INSC: variants seen among roughly 807,000 people sequenced by gnomAD.
INSC encodes INSC spindle orientation adaptor protein.
In INSC, 67 loss-of-function variants were observed where a neutral mutation model predicts 58.6. The ratio of observed to expected loss-of-function variants is 1.14; its 90% CI spans 0.94 to 1.40. INSC has a LOEUF of 1.40. INSC is among the 40% of genes most tolerant of loss of function. The pLI, the probability that INSC is intolerant of heterozygous loss-of-function variation, is 0.00. For synonymous variants in INSC, 262 were observed against 276.1 expected, an observed-to-expected ratio of 0.95 and a Z score of 0.51; for missense variants, 714 against 692.0, an observed-to-expected ratio of 1.03 and a Z score of -0.36.
chr11:15,250,098 A>G (rs147808137), downstream of INSC, among the ~76,000 whole-genome samples: 159 of 152,362 alleles, frequency 1.0e-3, 2 homozygotes, highest in African/African-American at 3.6e-3. Flanking sequence ...TAGAGTCTAC[A>G]TCTATATACT....
Position 15,246,206 on chromosome 11 carries a change from C to T in INSC, c.*166C>T, listed in dbSNP as rs1852560213. 1 of 627,616 alleles carries T rather than the reference C, an allele frequency of 1.6e-6. No individual in the cohort carries two copies. Among genetic ancestry groups the T allele is most frequent in the East Asian group, 2.9e-5 (1 of 34,630 alleles). 38.9% of individuals were successfully genotyped at this position (627,616 alleles called of 1,614,324 possible). A position where few individuals can be genotyped will look rare whatever the true frequency, so the allele number is the denominator to read the frequency against. The stretch of plus-strand genomic sequence containing the variant: ...AAAATCTTAGAGCAACATCATCAAA[C>T]AGTCTTTGGTCCTTGAGAATCTTCT... On this transcript the variant is annotated 3_prime_UTR_variant, in exon 13 of 13. Transcript: ENST00000379556.
chr11:15,153,323 A>C (rs1848709671), intron 2 of INSC, among the ~76,000 whole-genome samples: 1 of 152,232 alleles, frequency 6.6e-6, no homozygotes, highest in Non-Finnish European at 1.5e-5. Context: ...GACTGGATGC[A>C]GCTGCAGCTT....
At chr11:15,149,613 G>C (rs964053330) in intron 2 of INSC, among the ~76,000 whole-genome samples, 15 of 152,174 alleles carry the variant, frequency 9.9e-5, no homozygotes, top group Non-Finnish European at 2.1e-4. Flanking sequence ...TGAGCATAGA[G>C]CTGATCCTTG....
chr11:15,231,397 A>G (rs1851920081), intron 9 of INSC, among the ~76,000 whole-genome samples: 1 of 152,206 alleles, frequency 6.6e-6, no homozygotes, highest in South Asian at 2.1e-4. Context: ...CTGATGAGCT[A>G]AAAAGAAAAA....
At chr11:15,127,245 C>G (rs914310373) in intron 1 of INSC, among the ~76,000 whole-genome samples, 3 of 152,216 alleles carry the variant, frequency 2.0e-5, no homozygotes, top group African/African-American at 7.2e-5. Flanking sequence ...CTTCACCAAA[C>G]TCACATATTT....
At chr11:15,116,847 T>C (rs201130549) in intron 1 of INSC, among the ~76,000 whole-genome samples, 111 of 57,720 alleles carry the variant, frequency 1.9e-3, no homozygotes, top group Middle Eastern at 0.018. Flanking sequence ...CTTTCTTTCT[T>C]TCTCTCTCTC....
At chr11:15,181,395 A>G (rs1343299201) in intron 5 of INSC, among the ~76,000 whole-genome samples, 1 of 152,136 alleles carries the variant, frequency 6.6e-6, no homozygotes, top group Non-Finnish European at 1.5e-5. Flanking sequence ...TGGGCTCTTG[A>G]GCAGAGGAAC....
chr11:15,190,378 A>C (rs1052642639), intron 5 of INSC, among the ~76,000 whole-genome samples: 7 of 152,202 alleles, frequency 4.6e-5, no homozygotes, highest in African/African-American at 1.7e-4. Flanking sequence ...CTTATTAAGA[A>C]CCAGTAGATT....
rs957835760 is a variant in INSC at position 15,235,307 on chromosome 11, A to G, written c.1171-295A>G. 10 of 426,198 alleles carry G rather than the reference A, an allele frequency of 2.3e-5. No individual in the cohort carries two copies. In the East Asian group the frequency reaches 4.5e-4, roughly 19 times the overall value. 26.4% of individuals were successfully genotyped at this position (426,198 alleles called of 1,614,324 possible). A position where few individuals can be genotyped will look rare whatever the true frequency, so the allele number is the denominator to read the frequency against. Reference sequence around the variant, plus strand: ...GGACTGGGGACCAGAGCAGAAAGACAACCGGGCCCCAACTTCACCCAGGGT... The same window carrying G: ...GGACTGGGGACCAGAGCAGAAAGACGACCGGGCCCCAACTTCACCCAGGGT... On this transcript the variant is annotated intron_variant, in intron 9 of 12. Coordinates refer to ENST00000379556, the MANE Select transcript of INSC (RefSeq NM_001042536.3).
chr11:15,255,736 A>ATGTGTATGTG, the INSC span, among the ~76,000 whole-genome samples: 2 of 147,912 alleles, frequency 1.4e-5, no homozygotes, highest in South Asian at 2.1e-4. Flanking sequence ...AAGTGTGTGT[A>ATGTGTATGTG]TGTGTGTGTG....
chr11:15,140,480 A>C (rs1043659863), intron 1 of INSC, among the ~76,000 whole-genome samples: 1 of 152,016 alleles, frequency 6.6e-6, no homozygotes, highest in South Asian at 2.1e-4. Context: ...TGGATTTCCC[A>C]TGGTTGGAAT....
Position 15,206,864 on chromosome 11 carries a change from G to T in INSC, c.819+5915G>T, listed in dbSNP as rs541754802. On this transcript the variant is annotated intron_variant, in intron 7 of 12. Transcript: ENST00000379556. The stretch of plus-strand genomic sequence containing the variant: ...CCTGCGTGGAGAAAGCACTCTGCCT[G>T]TGTCTGTTTCCTTTTCCTCCTCCCA... Among the ~76,000 whole-genome samples the T allele has an allele frequency of 2.0e-5, 3 of 152,344 alleles. No homozygotes were observed. In the South Asian group the frequency reaches 6.2e-4, roughly 32 times the overall value.
At chr11:15,187,780 T>C (rs1453989740) in intron 5 of INSC, among the ~76,000 whole-genome samples, 1 of 152,212 alleles carries the variant, frequency 6.6e-6, no homozygotes, top group African/African-American at 2.4e-5. Context: ...CAGCCTGTCT[T>C]CTTTTACTTT....
chr11:15,120,360 T>A lies in INSC; in HGVS notation c.-46+5357T>A, dbSNP rs1847840719. Among the ~76,000 whole-genome samples the A allele has an allele frequency of 2.0e-5, 3 of 152,172 alleles. No homozygotes were observed. In the South Asian group the frequency reaches 6.2e-4, roughly 32 times the overall value. ...GCAGACTTGTAAACAAATAAAGGCC[T>A]GTCTGTGGGGCATGATCAAATCAGG... On this transcript the variant is annotated intron_variant, in intron 1 of 12. Transcript: ENST00000379556.
At chr11:15,240,373 G>A (rs1852298007) in intron 11 of INSC, 74 bp from the exon 12 acceptor site, 3 of 1,297,760 alleles carry the variant, frequency 2.3e-6, no homozygotes, top group Non-Finnish European at 3.3e-6. Context: ...GTGTGCAAGG[G>A]AGGCCCAGAA....
intron 9 of INSC, among the ~76,000 whole-genome samples, chr11:15,233,847 A>G (rs1267382452): frequency 6.6e-6 from 1 of 152,146 alleles, no homozygotes; most frequent in African/African-American, 2.4e-5. Context: ...AACAGAGTCC[A>G]TGCTTTCTGC....
intron 1 of INSC, among the ~76,000 whole-genome samples, chr11:15,125,397 T>C (rs1446586637): frequency 5.3e-5 from 8 of 152,184 alleles, no homozygotes; most frequent in Admixed American, 6.5e-5. Context: ...ATAGTGAACA[T>C]TGAAAAATTT....
chr11:15,258,701 G>C, the INSC span, among the ~76,000 whole-genome samples: 1 of 152,086 alleles, frequency 6.6e-6, no homozygotes, highest in Admixed American at 6.6e-5. Flanking sequence ...AAATTCTGGA[G>C]CAGGAGAACT....
rs1443064604 is a variant in INSC, at chr11:15,134,242, T to A, written c.-45-14888T>A. Among the ~76,000 whole-genome samples, 4 of 152,308 alleles carry A rather than the reference T, an allele frequency of 2.6e-5. No homozygotes were observed. The East Asian group carries it at 7.7e-4, about 29-fold the overall frequency. Reference sequence around the variant, plus strand: ...ATTTAAGATGCTATATATTGTAAGATCCCTGTTACTTCATGAAAAAGAAAA... The same window carrying A: ...ATTTAAGATGCTATATATTGTAAGAACCCTGTTACTTCATGAAAAAGAAAA... On this transcript the variant is annotated intron_variant, in intron 1 of 12. Transcript: ENST00000379556.
Sources: allele counts gnomAD v4.1 joint callset (sites outside exome capture counted in the v4.1 genomes callset), GRCh38; gene constraint gnomAD v4.1.1; transcripts MANE v1.5; gene names NCBI Gene and HGNC (gene_info 2026-07-23, HGNC 2026-07-21).